Variants in VGLL4 observed in about 807,000 individuals in gnomAD.
VGLL4 encodes the protein transcription cofactor vestigial-like protein 4.
A neutral mutation model predicts 21.0 loss-of-function variants in VGLL4; 7 were observed. That is an observed-to-expected ratio of 0.33 (90% CI 0.19 to 0.63). VGLL4 has a LOEUF of 0.63. Among genes scored for constraint, VGLL4 ranks in the 20% least tolerant of loss-of-function variants. VGLL4 has a pLI of 0.78. For synonymous variants in VGLL4, 222 were observed against 173.2 expected, an observed-to-expected ratio of 1.28 and a Z score of -2.21; for missense variants, 394 against 425.7, an observed-to-expected ratio of 0.93 and a Z score of 0.66.
intron 1 of VGLL4, among the ~76,000 whole-genome samples, chr3:11,607,926 G>A (rs921774811): frequency 6.6e-6 from 1 of 152,122 alleles, no homozygotes; most frequent in Non-Finnish European, 1.5e-5. Context: ...TCAGTGTGTC[G>A]AGTGCCTGTG....
chr3:11,656,881 G>A (rs1441890346), intron 2 of VGLL4, among the ~76,000 whole-genome samples: 1 of 152,188 alleles, frequency 6.6e-6, no homozygotes, highest in African/African-American at 2.4e-5. Flanking sequence ...GCATTCAGAT[G>A]CCAGGAAAGA....
chr3:11,694,997 C>A (rs955404106), intron 2 of VGLL4, among the ~76,000 whole-genome samples: 9 of 151,438 alleles, frequency 5.9e-5, no homozygotes, highest in African/African-American at 2.2e-4. Context: ...TTTATATATT[C>A]AAGTAACATA....
rs1442843877 is a variant in VGLL4, at chr3:11,713,177, G to C, written c.-14+7217C>G. Among the ~76,000 whole-genome samples, 3 of 152,276 alleles carry C rather than the reference G, an allele frequency of 2.0e-5. No individual in the cohort carries two copies. In the East Asian group the frequency reaches 5.8e-4, roughly 29 times the overall value. ...CAAGCTCCAACGGCTAACTGTTAAG[G>C]TTCAGTGAGAACATTTTTAAAATTT... On this transcript the variant is annotated intron_variant, in intron 1 of 5. Coordinates refer to the VGLL4 transcript ENST00000273038.
chr3:11,707,054 G>A (rs1021453562), intron 1 of VGLL4, among the ~76,000 whole-genome samples: 2 of 151,912 alleles, frequency 1.3e-5, no homozygotes, highest in African/African-American at 4.8e-5. Flanking sequence ...TGTGGCTCAC[G>A]CCTATAGTCC....
chr3:11,628,681 G>A (rs964366292), intron 1 of VGLL4, among the ~76,000 whole-genome samples: 7 of 152,262 alleles, frequency 4.6e-5, no homozygotes, highest in Admixed American at 2.0e-4. Context: ...TTAGCCGGGC[G>A]TGGTGGCGGG....
intron 1 of VGLL4, chr3:11,604,291 C>G (rs961095797): frequency 1.3e-6 from 1 of 747,106 alleles, no homozygotes; most frequent in Non-Finnish European, 1.5e-6. Context: ...TGATGGATGA[C>G]GAAGCTGTGC....
At chr3:11,563,793 G>T (rs1037768445) in intron 3 of VGLL4, among the ~76,000 whole-genome samples, 1 of 152,194 alleles carries the variant, frequency 6.6e-6, no homozygotes, top group Admixed American at 6.5e-5. Flanking sequence ...AAACAAACAG[G>T]ATTACCATGT....
intron 3 of VGLL4, 84 bp from the exon 4 acceptor site, chr3:11,559,539 G>T (rs988317011): frequency 1.4e-6 from 2 of 1,434,556 alleles, no homozygotes; most frequent in South Asian, 1.5e-5. Flanking sequence ...CACCCTTCAG[G>T]CTCTGTCCTG....
chr3:11,561,917 A>T (rs1186556320), intron 3 of VGLL4, among the ~76,000 whole-genome samples: 3 of 19,912 alleles, frequency 1.5e-4, no homozygotes, highest in Admixed American at 4.3e-4. Context: ...TTTTTTTTTT[A>T]AAGACAAAGT....
At chr3:11,585,059 C>A (rs558775188) in intron 2 of VGLL4, among the ~76,000 whole-genome samples, 1 of 152,182 alleles carries the variant, frequency 6.6e-6, no homozygotes. Context: ...CCCAAGAACA[C>A]TTTTTATTAT....
intron 2 of VGLL4, chr3:11,702,905 T>C: frequency 6.9e-7 from 1 of 1,454,330 alleles, no homozygotes; most frequent in East Asian, 2.4e-5. Context: ...TGTAATTTTG[T>C]TATGGAGCAG....
At chr3:11,659,796 T>C (rs1013800900) in intron 2 of VGLL4, among the ~76,000 whole-genome samples, 4 of 152,236 alleles carry the variant, frequency 2.6e-5, no homozygotes, top group Admixed American at 1.3e-4. Flanking sequence ...CATTGATTAT[T>C]GCATGAGCAG....
At chr3:11,640,598 C>T (rs1310177045) in intron 1 of VGLL4, among the ~76,000 whole-genome samples, 1 of 152,198 alleles carries the variant, frequency 6.6e-6, no homozygotes, top group African/African-American at 2.4e-5. Context: ...CCTAACGTCT[C>T]CTTCTCCCAC....
chr3:11,569,221 T>C (rs575745719), intron 2 of VGLL4, among the ~76,000 whole-genome samples: 1 of 152,328 alleles, frequency 6.6e-6, no homozygotes, highest in South Asian at 2.1e-4. Context: ...CCCCATCACC[T>C]GACGTTCTGA....
Position 11,573,245 on chromosome 3 carries a change from GAGAAAGAAAGAAAGAA to G in VGLL4, c.273-8242_273-8227del, listed in dbSNP as rs777365240. Among the ~76,000 whole-genome samples, 276 of 78,746 alleles carry G rather than the reference GAGAAAGAAAGAAAGAA, an allele frequency of 3.5e-3. 9 individuals are homozygous for G. Among genetic ancestry groups the G allele is most frequent in the Admixed American group, 7.1e-3 (43 of 6,052 alleles). The allele number at this position is 78,746 out of a possible 152,430, so 51.7% of individuals were successfully genotyped here. On this transcript the variant is annotated intron_variant, in intron 2 of 4. Coordinates refer to ENST00000430365, the MANE Select transcript of VGLL4 (RefSeq NM_001128219.3). ...AAGACAGACAGAAAGAAAAGAAATA[GAGAAAGAAAGAAAGAA>G]AGAAAGAAAGAAAGAAAGAAAGAAA...
intron 2 of VGLL4, among the ~76,000 whole-genome samples, chr3:11,674,503 A>G (rs759613006): frequency 6.6e-6 from 1 of 152,212 alleles, no homozygotes; most frequent in Non-Finnish European, 1.5e-5. Flanking sequence ...TATTATGGGA[A>G]TTTTAAAGAT....
intron 2 of VGLL4, among the ~76,000 whole-genome samples, chr3:11,668,380 T>C (rs942975816): frequency 4.6e-5 from 7 of 152,106 alleles, no homozygotes; most frequent in African/African-American, 1.7e-4. Flanking sequence ...ATTCAAATGA[T>C]CCAATCCCTT....
chr3:11,641,078 T>C lies in VGLL4; in HGVS notation c.82+2359A>G, dbSNP rs150638087. On this transcript the variant is annotated intron_variant, in intron 1 of 4. Coordinates refer to ENST00000430365, the MANE Select transcript of VGLL4 (RefSeq NM_001128219.3). ...GTTGCAGTGAGCCAAGATCGCGCCATTGCACTCCAGCCTGGGGGACAAGAG... is the reference window on the plus strand; with the variant it reads ...GTTGCAGTGAGCCAAGATCGCGCCACTGCACTCCAGCCTGGGGGACAAGAG... Among the ~76,000 whole-genome samples, 322 of 143,230 alleles carry C rather than the reference T, an allele frequency of 2.2e-3. 1 individual carries two copies. Among genetic ancestry groups the C allele is most frequent in the African/African-American group, 8.0e-3 (304 of 38,200 alleles). The allele number at this position is 143,230 out of a possible 152,430, so 94.0% of individuals were successfully genotyped here. A position where few individuals can be genotyped will look rare whatever the true frequency, so the allele number is the denominator to read the frequency against.
At chr3:11,695,699 T>C (rs553383928) in intron 2 of VGLL4, among the ~76,000 whole-genome samples, 7 of 151,678 alleles carry the variant, frequency 4.6e-5, no homozygotes, top group African/African-American at 1.7e-4. Flanking sequence ...TGATGTCAGA[T>C]GCACCTGGGA....
Sources: gnomAD v4.1 joint callset for allele counts (sites outside exome capture counted in the v4.1 genomes callset) on GRCh38, gnomAD v4.1.1 for gene constraint, MANE v1.5 for transcripts, NCBI Gene and HGNC (gene_info 2026-07-23, HGNC 2026-07-21) for gene names.